RIMS2: variants seen among roughly 807,000 people sequenced by gnomAD.
RIMS2 encodes regulating synaptic membrane exocytosis protein 2.
Under a neutral mutation model 174.4 loss-of-function variants are expected in RIMS2, and 59 were observed. The observed-to-expected ratio is 0.34, with a 90% CI of 0.27 to 0.42. RIMS2 has a LOEUF of 0.42. Among genes scored for constraint, RIMS2 ranks in the 10% least tolerant of loss-of-function variants. The probability of loss-of-function intolerance (pLI) is 1.00; values close to 1 mark genes in which losing one functional copy is unlikely to be tolerated. For synonymous variants in RIMS2, 606 were observed against 572.5 expected (o/e 1.06, Z -0.84); for missense variants, 1,620 against 1,666.3 (o/e 0.97, Z 0.48).
intron 1 of RIMS2, among the ~76,000 whole-genome samples, chr8:103,614,572 A>C (rs1426076055): frequency 1.3e-5 from 2 of 152,260 alleles, no homozygotes; most frequent in African/African-American, 4.8e-5. Context: ...TTTGGTATTC[A>C]TGCAGGGCAA....
At chr8:103,575,227 T>TAA (rs2093128095) in intron 1 of RIMS2, among the ~76,000 whole-genome samples, 1 of 152,194 alleles carries the variant, frequency 6.6e-6, no homozygotes, top group African/African-American at 2.4e-5. Flanking sequence ...GAATACAGAA[T>TAA]AAAACCACAG....
intron 3 of RIMS2, among the ~76,000 whole-genome samples, chr8:103,865,284 CTTTTTTTT>C (rs67300843): frequency 8.4e-6 from 1 of 119,732 alleles, no homozygotes; most frequent in Non-Finnish European, 1.7e-5. Flanking sequence ...CAGTTTTTTT[CTTTTTTTT>C]TTTTTTTTTT....
intron 19 of RIMS2, among the ~76,000 whole-genome samples, chr8:104,086,509 A>T (rs2097539904): frequency 6.6e-6 from 1 of 152,068 alleles, no homozygotes; most frequent in Non-Finnish European, 1.5e-5. Context: ...TTACTAATAG[A>T]CATTGAGTTC....
At chr8:104,182,602 C>T (rs1336142977) in intron 19 of RIMS2, among the ~76,000 whole-genome samples, 2 of 151,746 alleles carry the variant, frequency 1.3e-5, no homozygotes, top group Non-Finnish European at 2.9e-5. Flanking sequence ...TATAGCTTTC[C>T]CTATTCTGGG....
At chr8:104,115,937 G>A (rs376055557) in intron 19 of RIMS2, among the ~76,000 whole-genome samples, 4 of 152,040 alleles carry the variant, frequency 2.6e-5, no homozygotes, top group East Asian at 3.9e-4. Context: ...TATATCAGTG[G>A]GCCAGATCTA....
At chr8:104,219,573 T>A (rs2099145973) in intron 19 of RIMS2, among the ~76,000 whole-genome samples, 1 of 152,242 alleles carries the variant, frequency 6.6e-6, no homozygotes, top group African/African-American at 2.4e-5. Context: ...TATGATAGTT[T>A]ATCCAAGTTA....
intron 1 of RIMS2, among the ~76,000 whole-genome samples, chr8:103,602,137 C>T (rs2094782719): frequency 6.6e-6 from 1 of 152,052 alleles, no homozygotes; most frequent in South Asian, 2.1e-4. Context: ...AGGTGCATGC[C>T]ACCATGCCTG....
chr8:103,534,815 G>A (rs1239048053), intron 1 of RIMS2, among the ~76,000 whole-genome samples: 1 of 151,862 alleles, frequency 6.6e-6, no homozygotes, highest in Non-Finnish European at 1.5e-5. Flanking sequence ...GTTTTTTATT[G>A]TTCTGTTAGC....
At chr8:103,767,437 G>A (rs2098188551) in intron 3 of RIMS2, among the ~76,000 whole-genome samples, 1 of 151,936 alleles carries the variant, frequency 6.6e-6, no homozygotes, top group African/African-American at 2.4e-5. Flanking sequence ...TGCCCACCTC[G>A]GCCTCCCAAA....
intron 14 of RIMS2, among the ~76,000 whole-genome samples, chr8:103,952,448 C>T (rs1310410517): frequency 6.6e-6 from 1 of 152,196 alleles, no homozygotes; most frequent in East Asian, 1.9e-4. Flanking sequence ...GCAGCCTCTG[C>T]TGGTGACACC....
At chr8:103,790,970 G>A (rs1052993084) in intron 3 of RIMS2, among the ~76,000 whole-genome samples, 2 of 152,176 alleles carry the variant, frequency 1.3e-5, no homozygotes, top group African/African-American at 2.4e-5. Flanking sequence ...GTGACGGGGA[G>A]AATGGAACCA....
Position 103,918,401 on chromosome 8 carries a change from A to G in RIMS2, c.2037-40A>G, listed in dbSNP as rs752413038. 1.5e-5 allele frequency: 20 copies of G among 1,347,994 alleles called. No individual in the cohort carries two copies. The South Asian group carries it at 2.8e-4, about 19-fold the overall frequency. The allele number at this position is 1,347,994 out of a possible 1,614,324, so 83.5% of individuals were successfully genotyped here. On this transcript the variant is annotated intron_variant, in intron 8 of 23. Coordinates refer to ENST00000504942, the Ensembl canonical transcript of RIMS2. ...AAAATATGAGTTGCATTAATTGTTG[A>G]AACAGTTTCTGTCTTTCTTTTTTTT...
At chr8:103,536,337 C>G (rs1045976651) in intron 1 of RIMS2, among the ~76,000 whole-genome samples, 1 of 152,048 alleles carries the variant, frequency 6.6e-6, no homozygotes, top group Non-Finnish European at 1.5e-5. Flanking sequence ...CTTTAAGACT[C>G]TCCATGGACC....
intron 3 of RIMS2, among the ~76,000 whole-genome samples, chr8:103,810,208 A>C (rs932302333): frequency 2.0e-5 from 3 of 152,170 alleles, no homozygotes; most frequent in African/African-American, 7.2e-5. Flanking sequence ...TCCCATTAGA[A>C]TCACCATTAA....
intron 19 of RIMS2, among the ~76,000 whole-genome samples, chr8:104,021,070 C>T (rs748468433): frequency 3.3e-5 from 5 of 151,860 alleles, no homozygotes; most frequent in Non-Finnish European, 1.5e-5. Flanking sequence ...AAATTTGGCC[C>T]ATTACTGGAC....
chr8:103,650,896 T>C (rs1162132586), intron 1 of RIMS2, among the ~76,000 whole-genome samples: 2 of 152,232 alleles, frequency 1.3e-5, no homozygotes, highest in African/African-American at 2.4e-5. Flanking sequence ...GGTCCCAACT[T>C]GTGAGGCACC....
intron 3 of RIMS2, among the ~76,000 whole-genome samples, chr8:103,795,609 A>G (rs2098544041): frequency 6.7e-6 from 1 of 150,174 alleles, no homozygotes; most frequent in African/African-American, 2.5e-5. Flanking sequence ...AAGTACAAAG[A>G]AAAAAAAGAG....
chr8:103,674,251 A>G (rs1426761531), intron 1 of RIMS2, among the ~76,000 whole-genome samples: 2 of 152,174 alleles, frequency 1.3e-5, no homozygotes, highest in Non-Finnish European at 2.9e-5. Flanking sequence ...TCTTCTTCTG[A>G]GCCCTCCAAA....
chr8:104,010,278 T>G (rs2095715556), intron 17 of RIMS2, among the ~76,000 whole-genome samples: 1 of 152,190 alleles, frequency 6.6e-6, no homozygotes, highest in South Asian at 2.1e-4. Flanking sequence ...GATTCAAAAC[T>G]GACAACTTTG....
Sources: allele counts gnomAD v4.1 joint callset (sites outside exome capture counted in the v4.1 genomes callset), GRCh38; gene constraint gnomAD v4.1.1; transcripts MANE v1.5; gene names NCBI Gene and HGNC (gene_info 2026-07-23, HGNC 2026-07-21).